The following PPFIBP2 variants were observed in gnomAD, a reference collection of about 807,000 sequenced individuals.
PPFIBP2 encodes the protein liprin-beta-2.
PPFIBP2 carries 118 observed loss-of-function variants against 118.3 expected under a neutral mutation model. That is an observed-to-expected ratio of 1.00 (90% CI 0.86 to 1.16). The LOEUF is 1.16. Ranked by LOEUF, PPFIBP2 falls within the 50% of genes most tolerant of loss-of-function variation. PPFIBP2 has a pLI of 0.00. For missense variants in PPFIBP2, 1,195 were observed against 1,073.1 expected (o/e 1.11, Z -1.59); for synonymous variants, 414 against 397.4 (o/e 1.04, Z -0.50).
intron 17 of PPFIBP2, among the ~76,000 whole-genome samples, chr11:7,645,570 C>T (rs893186462): frequency 1.3e-5 from 2 of 152,182 alleles, no homozygotes; most frequent in Non-Finnish European, 2.9e-5. Flanking sequence ...CAGTGGTGCC[C>T]TGGCTGAGGA....
At chr11:7,597,218 T>C in intron 4 of PPFIBP2, 1 of 1,504,224 alleles carries the variant, frequency 6.6e-7, no homozygotes. Context: ...AGCTGAGATG[T>C]GCCTTGAGGT....
At chr11:7,600,588 C>A (rs931574308) in intron 5 of PPFIBP2, among the ~76,000 whole-genome samples, 2 of 152,206 alleles carry the variant, frequency 1.3e-5, no homozygotes, top group African/African-American at 2.4e-5. Flanking sequence ...GCCTCAGAAA[C>A]CATTCCTGCC....
chr11:7,594,714 G>A (rs1859950784), intron 4 of PPFIBP2, among the ~76,000 whole-genome samples: 1 of 151,006 alleles, frequency 6.6e-6, no homozygotes, highest in South Asian at 2.1e-4. Flanking sequence ...GTTAGGAGTT[G>A]GAGACCAGCT....
rs140532005 is a variant in PPFIBP2, at chr11:7,616,382, CTG to C, written c.619-4551_619-4550del. On this transcript the variant is annotated intron_variant, in intron 6 of 23. Coordinates refer to ENST00000299492, the MANE Select transcript of PPFIBP2 (RefSeq NM_003621.5). This position sits in a 1 kb window ranked among gnomAD's most constrained non-coding sequence, Gnocchi z 5.2. ...TTTGATAGATTCAGTAAATTTTAGT[CTG>C]TTGAGTTTGGGGCCAACTCTATGAT... Among the ~76,000 whole-genome samples, 1,068 of 152,238 alleles carry C rather than the reference CTG, an allele frequency of 7.0e-3. 11 individuals are homozygous for C. The highest frequency in any genetic ancestry group is 0.025 in the African/African-American group (1,027 of 41,528).
chr11:7,667,172 A>T, the PPFIBP2 span: 1 of 152,274 alleles, frequency 6.6e-6, no homozygotes, highest in African/African-American at 2.4e-5. Flanking sequence ...TCTAAAAGTA[A>T]TCAAGCGTAG....
chr11:7,629,609 G>A lies in PPFIBP2; in HGVS notation c.964+75G>A, dbSNP rs139742355. On this transcript the variant is annotated intron_variant, in intron 10 of 23. Transcript: ENST00000299492. The stretch of plus-strand genomic sequence containing the variant: ...CTGTGTTAAAGCCAGGGGCAGTTCT[G>A]CTAGCAGCTGTTTCACCTCTGTTTC... The A allele has an allele frequency of 2.0e-3, 2,779 of 1,422,390 alleles. 56 individuals carry two copies. The African/African-American group carries it at 0.034, about 18-fold the overall frequency. 88.1% of individuals were successfully genotyped at this position (1,422,390 alleles called of 1,614,324 possible).
intron 21 of PPFIBP2, 30 bp downstream of exon 21, chr11:7,649,684 A>G (rs1471904717): frequency 6.2e-6 from 10 of 1,612,916 alleles, no homozygotes; most frequent in Non-Finnish European, 8.5e-6. Flanking sequence ...CTCTCCAGGT[A>G]GCCCTGAGCC....
intron 3 of PPFIBP2, among the ~76,000 whole-genome samples, chr11:7,573,449 T>C (rs1229085618): frequency 1.3e-5 from 2 of 152,212 alleles, no homozygotes; most frequent in Non-Finnish European, 2.9e-5. Flanking sequence ...TAAATAAAGT[T>C]TTACTAGTAC....
At chr11:7,540,216 A>G (rs1405709571) in intron 1 of PPFIBP2, among the ~76,000 whole-genome samples, 2 of 151,200 alleles carry the variant, frequency 1.3e-5, no homozygotes, top group Non-Finnish European at 2.9e-5. Context: ...AAATAGACCC[A>G]CCCTCCTGGC....
chr11:7,665,472 G>A, the PPFIBP2 span: 34 of 1,613,900 alleles, frequency 2.1e-5, no homozygotes, highest in African/African-American at 4.3e-4. Context: ...ACCAGGATGA[G>A]CGTGGACTTC....
chr11:7,527,363 GA>G (rs1288065732), intron 1 of PPFIBP2, among the ~76,000 whole-genome samples: 2 of 152,026 alleles, frequency 1.3e-5, no homozygotes, highest in African/African-American at 2.4e-5. Flanking sequence ...AGTGGCCATG[GA>G]ACCCCAAGGT....
chr11:7,560,330 A>C (rs369722867), intron 2 of PPFIBP2, among the ~76,000 whole-genome samples: 1 of 152,264 alleles, frequency 6.6e-6, no homozygotes, highest in Non-Finnish European at 1.5e-5. Context: ...ACTTAGAGTC[A>C]ACAAATTTAA....
rs771280626 is a variant in PPFIBP2, at chr11:7,639,836, G to T, written c.1341G>T (p.Gln447His). 11 of 1,614,192 alleles carry T rather than the reference G, an allele frequency of 6.8e-6. No individual in the cohort carries two copies. The South Asian group carries it at 8.8e-5, about 13-fold the overall frequency. The change falls in exon 15 of 24, where the codon CAG becomes CAT. Residue 447 changes from glutamine to histidine, a missense_variant. Gln to His is a conservative substitution (Grantham distance 24). Transcript: ENST00000299492. ...CCAAATCTCCTCCCACCATCTGCCAGCCTGACGCCACGGGGAGCAGCCTGC... is the reference window on the plus strand; with the variant it reads ...CCAAATCTCCTCCCACCATCTGCCATCCTGACGCCACGGGGAGCAGCCTGC... Reference protein sequence around the residue: ...EAAKSPPTICQPDATGSSLLR... With the variant: ...EAAKSPPTICHPDATGSSLLR...
Position 7,649,654 on chromosome 11 carries a change from G to T in PPFIBP2, c.2121G>T (p.Glu707Asp). 1 of 1,614,210 alleles carries T rather than the reference G, an allele frequency of 6.2e-7. No individual in the cohort carries two copies. Among genetic ancestry groups the T allele is most frequent in the Non-Finnish European group, 8.5e-7 (1 of 1,180,046 alleles). Residue 707 changes from glutamate (E) to aspartate (D), a missense_variant and splice_region_variant, in exon 21 of 24, where the codon GAG (glutamate) becomes GAT (aspartate). Glu to Asp is a conservative substitution (Grantham distance 45). Coordinates refer to ENST00000299492, the MANE Select transcript of PPFIBP2 (RefSeq NM_003621.5). The part of the protein sequence containing the change: ...PHCLHRRPAD[E>D]SNLSPSEVVQ... ...GCCTGCACCGGCGGCCAGCTGATGA[G>T]GTGAGACCACAAATAGTATCTCTCC...
At chr11:7,520,324 G>A (rs1167069108) in intron 1 of PPFIBP2, among the ~76,000 whole-genome samples, 1 of 152,030 alleles carries the variant, frequency 6.6e-6, no homozygotes, top group Non-Finnish European at 1.5e-5. Flanking sequence ...TTCCGGTTGG[G>A]GTGGGTATTT....
intron 1 of PPFIBP2, among the ~76,000 whole-genome samples, chr11:7,541,111 T>G (rs1590170015): frequency 6.6e-6 from 1 of 152,304 alleles, no homozygotes; most frequent in African/African-American, 2.4e-5. Context: ...TGCAGGGCTG[T>G]GTTTGCATTC....
chr11:7,648,423 G>T lies in PPFIBP2; in HGVS notation c.1683G>T (p.Glu561Asp). 1.2e-6 allele frequency: 2 copies of T among 1,614,168 alleles called. No homozygotes were observed. Among genetic ancestry groups the T allele is most frequent in the Non-Finnish European group, 1.7e-6 (2 of 1,180,044 alleles). The change falls in exon 18 of 24, where the codon GAG becomes GAT. Residue 561 changes from glutamate to aspartate, a missense_variant. Physicochemically the swap from Glu to Asp is conservative, Grantham distance 45. Coordinates refer to ENST00000299492, the MANE Select transcript of PPFIBP2 (RefSeq NM_003621.5). The stretch of plus-strand genomic sequence containing the variant: ...CCCCCTTTGCCCAGTGGAGCACAGA[G>T]CGTGTGTGTGCATGGCTGGAGGACT... ...ANAPFAQWST[E>D]RVCAWLEDFG...
At chr11:7,638,907 C>T (rs139613096) in intron 14 of PPFIBP2, among the ~76,000 whole-genome samples, 9 of 152,322 alleles carry the variant, frequency 5.9e-5, no homozygotes, top group African/African-American at 7.2e-5. Context: ...GGCTCTACCT[C>T]GTGCAGACTA....
At chr11:7,627,350 C>G (rs567824635) in intron 8 of PPFIBP2, among the ~76,000 whole-genome samples, 1 of 152,184 alleles carries the variant, frequency 6.6e-6, no homozygotes, top group African/African-American at 2.4e-5. Context: ...AATGAATCTC[C>G]ACAACTATTT....
Sources: gnomAD v4.1 joint callset for allele counts (sites outside exome capture counted in the v4.1 genomes callset) on GRCh38, gnomAD v4.1.1 for gene constraint, Gnocchi (gnomAD v3.1) non-coding constraint, MANE v1.5 for transcripts, NCBI Gene and HGNC (gene_info 2026-07-23, HGNC 2026-07-21) for gene names.